Variants in ZFPM1 observed in about 807,000 individuals in gnomAD.
The protein encoded by ZFPM1 is zinc finger protein ZFPM1.
ZFPM1 carries 28 observed loss-of-function variants against 46.3 expected under a neutral mutation model. The observed-to-expected ratio is 0.60, with a 90% CI of 0.45 to 0.83. The LOEUF (loss-of-function observed/expected upper bound fraction) is 0.83. Among genes scored for constraint, ZFPM1 ranks in the 40% least tolerant of loss-of-function variants. ZFPM1 has a pLI of 0.00. For missense variants in ZFPM1, 1,878 were observed against 1,432.4 expected, an observed-to-expected ratio of 1.31 and a Z score of -5.02; for synonymous variants, 957 against 675.9, an observed-to-expected ratio of 1.42 and a Z score of -6.45.
rs1282844607 is a variant in ZFPM1, at chr16:88,534,136, G to C, written c.2178G>C (p.Pro726=). The C allele has an allele frequency of 2.0e-6, 2 of 1,004,410 alleles. No homozygotes were observed. The highest frequency in any genetic ancestry group is 4.5e-5 in the South Asian group (1 of 22,404). 62.2% of individuals were successfully genotyped at this position (1,004,410 alleles called of 1,614,324 possible). A position where few individuals can be genotyped will look rare whatever the true frequency, so the allele number is the denominator to read the frequency against. The part of the protein sequence containing the change: ...RPAAPPGPPG[P]AAPPAPSPAA... The stretch of plus-strand genomic sequence containing the variant: ...CCGCGCCCCCGGGACCCCCTGGGCC[G>C]GCCGCGCCCCCGGCCCCCTCTCCCG... Residue 726 remains proline, a synonymous_variant, in exon 10 of 10, where the codon CCG becomes CCC. Transcript: ENST00000319555.
intron 4 of ZFPM1, among the ~76,000 whole-genome samples, chr16:88,523,823 A>C (rs1912092352): frequency 6.6e-6 from 1 of 152,010 alleles, no homozygotes; most frequent in African/African-American, 2.4e-5. Flanking sequence ...GCCGGATGGG[A>C]GCCTCACCCT....
chr16:88,511,226 G>A (rs766875126), intron 3 of ZFPM1, among the ~76,000 whole-genome samples: 15 of 152,168 alleles, frequency 9.9e-5, no homozygotes, highest in Non-Finnish European at 2.1e-4. Flanking sequence ...GGAGCCCCAA[G>A]GCCAAGGCTG....
At chr16:88,503,152 C>G (rs1910465640) in intron 3 of ZFPM1, among the ~76,000 whole-genome samples, 1 of 152,188 alleles carries the variant, frequency 6.6e-6, no homozygotes, top group Admixed American at 6.5e-5. Context: ...CCCCGTGGGT[C>G]CTGAGCAGCG....
At chr16:88,486,782 GTGCTGGGTGCACAGTGGA>G (rs1909255252) in intron 2 of ZFPM1, among the ~76,000 whole-genome samples, 1 of 149,918 alleles carries the variant, frequency 6.7e-6, no homozygotes, top group Non-Finnish European at 1.5e-5. Context: ...GTGCAAGTGG[GTGCTGGGTGCACAGTGGA>G]TGCTGGGTGC....
intron 1 of ZFPM1, among the ~76,000 whole-genome samples, chr16:88,474,006 C>T (rs892923491): frequency 4.6e-5 from 7 of 152,224 alleles, no homozygotes; most frequent in African/African-American, 1.4e-4. Flanking sequence ...CGGGAGTGGC[C>T]GGGCCCAGAG....
In ZFPM1 at chr16:88,534,558, G is replaced by T; in HGVS notation, c.2600G>T (p.Gly867Val). The T allele has an allele frequency of 2.2e-6, 3 of 1,340,124 alleles. No individual in the cohort carries two copies. The highest frequency in any genetic ancestry group is 2.9e-6 in the Non-Finnish European group (3 of 1,047,432). 83.0% of individuals were successfully genotyped at this position (1,340,124 alleles called of 1,614,324 possible). A position where few individuals can be genotyped will look rare whatever the true frequency, so the allele number is the denominator to read the frequency against. ...PYCPPNGPVR[G>V]DLLEHFRLAH... The stretch of plus-strand genomic sequence containing the variant: ...TGCCCCCCGAACGGCCCGGTGCGCG[G>T]GGACCTGCTGGAGCATTTCCGCCTG... The change falls in exon 10 of 10, where the codon GGG (glycine) becomes GTG (valine). Residue 867 changes from glycine (G) to valine (V), a missense_variant. By Grantham distance (109) the Gly-to-Val change is moderately radical. Transcript: ENST00000319555.
intron 1 of ZFPM1, among the ~76,000 whole-genome samples, chr16:88,456,422 A>G (rs1338125375): frequency 1.3e-5 from 2 of 151,640 alleles, no homozygotes; most frequent in Non-Finnish European, 2.9e-5. Context: ...GGTGGTTTCC[A>G]TGGCCCAGAC....
In ZFPM1 at chr16:88,480,047, G is replaced by T. The variant is rs1324101107; in HGVS notation, c.41-5892G>T. On this transcript the variant is annotated intron_variant, in intron 1 of 9. Coordinates refer to ENST00000319555, the MANE Select transcript of ZFPM1 (RefSeq NM_153813.3). This position sits in a 1 kb window ranked among gnomAD's most constrained non-coding sequence, Gnocchi z 4.9. Reference sequence around the variant, plus strand: ...GGCTGAGTCCTAACGCCAGCCTTTGGCAAGACAGTTTGATCCGCTGAAACC... The same window carrying T: ...GGCTGAGTCCTAACGCCAGCCTTTGTCAAGACAGTTTGATCCGCTGAAACC... Among the ~76,000 whole-genome samples the T allele has an allele frequency of 6.6e-6, 1 of 151,902 alleles. No individual in the cohort carries two copies. Among genetic ancestry groups the T allele is most frequent in the African/African-American group, 2.4e-5 (1 of 41,296 alleles).
At chr16:88,499,114 C>T (rs1168923358) in intron 3 of ZFPM1, among the ~76,000 whole-genome samples, 1 of 152,190 alleles carries the variant, frequency 6.6e-6, no homozygotes, top group South Asian at 2.1e-4. Context: ...CGTGGCTCCC[C>T]CATGACCAGG....
In ZFPM1 at chr16:88,455,134, T is replaced by TGTGG. The variant is rs772787113; in HGVS notation, c.40+1459_40+1460insGGTG. Among the ~76,000 whole-genome samples the TGTGG allele has an allele frequency of 3.0e-4, 12 of 40,368 alleles. No homozygotes were observed. The East Asian group carries it at 4.1e-3, about 14-fold the overall frequency. 26.5% of individuals were successfully genotyped at this position (40,368 alleles called of 152,430 possible). A position where few individuals can be genotyped will look rare whatever the true frequency, so the allele number is the denominator to read the frequency against. On this transcript the variant is annotated intron_variant, in intron 1 of 9. Coordinates refer to ENST00000319555, the MANE Select transcript of ZFPM1 (RefSeq NM_153813.3). ...TGAGCGCCTATGTTCGGTTCTGGGG[T>TGTGG]GTGTGTGTGTGTGTGTGTGTGTGTG...
At chr16:88,478,338 G>A (rs913651420) in intron 1 of ZFPM1, among the ~76,000 whole-genome samples, 6 of 152,174 alleles carry the variant, frequency 3.9e-5, no homozygotes, top group East Asian at 1.9e-4. Context: ...TGCTGATCCC[G>A]AACTGAGGAG....
intron 4 of ZFPM1, among the ~76,000 whole-genome samples, chr16:88,517,205 GAT>G: frequency 7.4e-6 from 1 of 135,474 alleles, no homozygotes. Context: ...TGGATGGATG[GAT>G]GGATGGATGG....
chr16:88,525,209 C>T (rs972606835), intron 4 of ZFPM1, among the ~76,000 whole-genome samples: 33 of 152,242 alleles, frequency 2.2e-4, no homozygotes, highest in Non-Finnish European at 2.9e-5. Context: ...GGAGGCCGAG[C>T]CTGGCTGGGA....
intron 1 of ZFPM1, among the ~76,000 whole-genome samples, chr16:88,454,220 C>T (rs907261747): frequency 7.9e-5 from 12 of 152,086 alleles, no homozygotes; most frequent in Non-Finnish European, 1.6e-4. Flanking sequence ...AGGCACCGGC[C>T]CGCGCCCACC....
At chr16:88,493,466 G>A in intron 3 of ZFPM1, among the ~76,000 whole-genome samples, 1 of 142,854 alleles carries the variant, frequency 7.0e-6, no homozygotes, top group African/African-American at 2.6e-5. Flanking sequence ...GCTGCGGGGA[G>A]CTGTCCCGGG....
intron 6 of ZFPM1, among the ~76,000 whole-genome samples, chr16:88,529,485 G>A (rs1286120700): frequency 1.3e-5 from 2 of 152,220 alleles, no homozygotes; most frequent in Admixed American, 6.5e-5. Flanking sequence ...ATGAGAGTCA[G>A]GGGAGCAGAC....
At chr16:88,531,766 G>A (rs956342688) in intron 6 of ZFPM1, among the ~76,000 whole-genome samples, 1 of 152,210 alleles carries the variant, frequency 6.6e-6, no homozygotes, top group Non-Finnish European at 1.5e-5. Context: ...ACCCATAGGG[G>A]TTCACTCAGA....
chr16:88,476,764 C>A (rs1908705146), intron 1 of ZFPM1, among the ~76,000 whole-genome samples: 1 of 152,112 alleles, frequency 6.6e-6, no homozygotes, highest in African/African-American at 2.4e-5. Flanking sequence ...GGGAGGGACT[C>A]GACTTGAACA....
At position 88,461,072 on chromosome 16, in the gene ZFPM1, GCAGAAGGTC is replaced by G. The variant is rs1567525622; in HGVS notation, c.40+7395_40+7403del. Among the ~76,000 whole-genome samples the G allele has an allele frequency of 9.1e-5, 10 of 109,536 alleles. 2 individuals carry two copies. Among genetic ancestry groups the G allele is most frequent in the South Asian group, 6.0e-4 (2 of 3,318 alleles). The allele number at this position is 109,536 out of a possible 152,430, so 71.9% of individuals were successfully genotyped here. A position where few individuals can be genotyped will look rare whatever the true frequency, so the allele number is the denominator to read the frequency against. On this transcript the variant is annotated intron_variant, in intron 1 of 9. Coordinates refer to ENST00000319555, the MANE Select transcript of ZFPM1 (RefSeq NM_153813.3). ...GGGAGGCCCTGGTGAGGACCCAGGG[GCAGAAGGTC>G]TGGTGAGGACCAAGGGGCAGGAGGC...
Sources: allele counts gnomAD v4.1 joint callset (sites outside exome capture counted in the v4.1 genomes callset), GRCh38; gene constraint gnomAD v4.1.1; non-coding constraint Gnocchi (gnomAD v3.1); transcripts MANE v1.5; gene names NCBI Gene and HGNC (gene_info 2026-07-23, HGNC 2026-07-21).